The following AGBL1 variants were observed in gnomAD, a reference collection of about 807,000 sequenced individuals.
AGBL1 encodes the protein AGBL carboxypeptidase 1, also known as cytosolic carboxypeptidase 4.
In AGBL1, 130 loss-of-function variants were observed where a neutral mutation model predicts 118.9. That is an observed-to-expected ratio of 1.09 (90% CI 0.95 to 1.26). The LOEUF is 1.26. Among genes scored for constraint, AGBL1 ranks in the 50% most tolerant of loss-of-function variants. The probability of loss-of-function intolerance (pLI) is 0.00; values close to 1 mark genes in which losing one functional copy is unlikely to be tolerated. For missense variants in AGBL1, 1,584 were observed against 1,298.1 expected (o/e 1.22, Z -3.38); for synonymous variants, 555 against 478.9 (o/e 1.16, Z -2.08).
Position 86,615,235 on chromosome 15 carries a change from A to C in AGBL1, c.2995-59038A>C, listed in dbSNP as rs2084705136. ...GGAGATTAATTCTAGCATTGGAAGT[A>C]GAGTAGAGGGCCAGGGAGACTAAAA... On this transcript the variant is annotated intron_variant, in intron 21 of 22. Transcript: ENST00000614907. This position sits in a 1 kb window ranked among gnomAD's most constrained non-coding sequence, Gnocchi z 4.3. 6.6e-6 allele frequency among the ~76,000 whole-genome samples: 1 copy of C among 152,196 alleles called. No homozygotes were observed. The highest frequency in any genetic ancestry group is 2.4e-5 in the African/African-American group (1 of 41,464).
At chr15:86,220,913 C>G (rs1351064211) in intron 5 of AGBL1, among the ~76,000 whole-genome samples, 2 of 152,062 alleles carry the variant, frequency 1.3e-5, no homozygotes, top group African/African-American at 4.8e-5. Flanking sequence ...CCTCTTCAGG[C>G]CGTGCACAGT....
At chr15:86,862,646 G>A (rs768358487) in intron 22 of AGBL1, among the ~76,000 whole-genome samples, 2 of 152,122 alleles carry the variant, frequency 1.3e-5, no homozygotes. Flanking sequence ...ACTTGACCTG[G>A]GAGGCAAAGG....
chr15:86,506,327 T>C (rs11073640), intron 18 of AGBL1, among the ~76,000 whole-genome samples: 66,433 of 151,860 alleles, frequency 0.44, 15,607 homozygotes, highest in East Asian at 0.68. Flanking sequence ...GTGGACATTT[T>C]CCCCTCACCT....
At chr15:86,196,870 C>T (rs1366352024) in intron 5 of AGBL1, among the ~76,000 whole-genome samples, 9 of 88,590 alleles carry the variant, frequency 1.0e-4, no homozygotes, top group African/African-American at 1.6e-4. Context: ...TGCACATGTG[C>T]GCGCGCGCGC....
intron 1 of AGBL1, among the ~76,000 whole-genome samples, chr15:86,113,467 G>A (rs1897562662): frequency 6.6e-6 from 1 of 151,496 alleles, no homozygotes; most frequent in African/African-American, 2.4e-5. Context: ...TGTATTTTTA[G>A]TAGAGATGGG....
chr15:86,574,012 GA>G (rs1171104351), intron 21 of AGBL1, among the ~76,000 whole-genome samples: 1 of 151,916 alleles, frequency 6.6e-6, no homozygotes, highest in Non-Finnish European at 1.5e-5. Flanking sequence ...AGATAAGCCA[GA>G]AAACTACCAG....
At chr15:86,548,764 T>C (rs1297948748) in intron 20 of AGBL1, among the ~76,000 whole-genome samples, 1 of 152,040 alleles carries the variant, frequency 6.6e-6, no homozygotes, top group African/African-American at 2.4e-5. Flanking sequence ...AGGCTCTCTA[T>C]AAATACATGG....
chr15:86,236,401 A>G (rs983090811), intron 6 of AGBL1, among the ~76,000 whole-genome samples: 2 of 151,802 alleles, frequency 1.3e-5, no homozygotes, highest in African/African-American at 2.4e-5. Context: ...GCTTCAATAA[A>G]ATGCATTGCA....
intron 15 of AGBL1, among the ~76,000 whole-genome samples, chr15:86,278,439 T>G (rs2141713596): frequency 6.6e-6 from 1 of 151,024 alleles, no homozygotes; most frequent in African/African-American, 2.5e-5. Flanking sequence ...CATTCCGAGG[T>G]GTATAAATAT....
chr15:86,548,661 A>ACG (rs200540594), intron 20 of AGBL1, among the ~76,000 whole-genome samples: 18 of 105,906 alleles, frequency 1.7e-4, no homozygotes, highest in South Asian at 7.0e-4. Flanking sequence ...ACACACATGC[A>ACG]CGCACACACA....
chr15:86,092,168 C>G (rs576799694), intron 1 of AGBL1, among the ~76,000 whole-genome samples: 9 of 152,146 alleles, frequency 5.9e-5, no homozygotes, highest in Non-Finnish European at 1.3e-4. Flanking sequence ...TTGAAAGTCT[C>G]CAGAAAATTA....
intron 21 of AGBL1, among the ~76,000 whole-genome samples, chr15:86,611,426 A>G (rs2084652008): frequency 6.6e-6 from 1 of 152,172 alleles, no homozygotes; most frequent in East Asian, 1.9e-4. Flanking sequence ...AATATAGATG[A>G]TGTGAAACAT....
chr15:86,491,396 G>T (rs2082776477), intron 18 of AGBL1, among the ~76,000 whole-genome samples: 1 of 152,146 alleles, frequency 6.6e-6, no homozygotes, highest in Admixed American at 6.6e-5. Flanking sequence ...GAGAGGCCTT[G>T]TAGGCCTTGC....
chr15:86,151,747 C>T (rs1163273627), intron 3 of AGBL1, among the ~76,000 whole-genome samples: 2 of 152,154 alleles, frequency 1.3e-5, no homozygotes, highest in Non-Finnish European at 2.9e-5. Flanking sequence ...TCCCTGTTTG[C>T]AGATGACATG....
chr15:86,287,242 T>C (rs559859269), intron 16 of AGBL1, among the ~76,000 whole-genome samples: 5 of 152,292 alleles, frequency 3.3e-5, no homozygotes, highest in Non-Finnish European at 5.9e-5. Flanking sequence ...CCTTGTATAT[T>C]TTAGATATTA....
At chr15:86,471,691 C>T (rs2082481445) in intron 18 of AGBL1, among the ~76,000 whole-genome samples, 1 of 152,028 alleles carries the variant, frequency 6.6e-6, no homozygotes, top group African/African-American at 2.4e-5. Flanking sequence ...AATTTTCCCT[C>T]TTTAGGGCAT....
intron 18 of AGBL1, among the ~76,000 whole-genome samples, chr15:86,484,005 C>G (rs1157140324): frequency 6.6e-6 from 1 of 152,080 alleles, no homozygotes; most frequent in African/African-American, 2.4e-5. Context: ...CATTTCCAAT[C>G]AGGTTAATGA....
intron 21 of AGBL1, among the ~76,000 whole-genome samples, chr15:86,621,752 C>G (rs2084808545): frequency 6.6e-6 from 1 of 152,196 alleles, no homozygotes; most frequent in Non-Finnish European, 1.5e-5. Context: ...TATTTATTCT[C>G]TCTCACACTC....
intron 21 of AGBL1, among the ~76,000 whole-genome samples, chr15:86,644,866 A>AT (rs1351607336): frequency 2.7e-5 from 4 of 149,014 alleles, no homozygotes; most frequent in African/African-American, 9.9e-5. Flanking sequence ...AAAAAAAAAA[A>AT]AAAAAATAGC....
Sources: allele counts gnomAD v4.1 joint callset (sites outside exome capture counted in the v4.1 genomes callset), GRCh38; gene constraint gnomAD v4.1.1; non-coding constraint Gnocchi (gnomAD v3.1); transcripts MANE v1.5; gene names NCBI Gene and HGNC (gene_info 2026-07-23, HGNC 2026-07-21).